The following FA2H variants were observed in gnomAD, a reference collection of about 807,000 sequenced individuals.
FA2H encodes fatty acid 2-hydroxylase.
FA2H carries 22 observed loss-of-function variants against 44.9 expected under a neutral mutation model. That is an observed-to-expected ratio of 0.49 (90% CI 0.35 to 0.70). The LOEUF (loss-of-function observed/expected upper bound fraction) is 0.70, where lower values mean the gene tolerates loss of function less well. Among genes scored for constraint, FA2H ranks in the 30% least tolerant of loss-of-function variants. The pLI, the probability that FA2H is intolerant of heterozygous loss-of-function variation, is 0.01. For synonymous variants in FA2H, 243 were observed against 213.2 expected (o/e 1.14, Z -1.22); for missense variants, 501 against 504.9 (o/e 0.99, Z 0.07).
chr16:74,761,474 G>T (rs935799779), intron 1 of FA2H, among the ~76,000 whole-genome samples: 1 of 71,998 alleles, frequency 1.4e-5, no homozygotes, highest in Non-Finnish European at 3.8e-5. Context: ...AAGAAAGAAA[G>T]AAAGAAAGAA....
intron 1 of FA2H, among the ~76,000 whole-genome samples, chr16:74,752,767 G>A (rs1426217092): frequency 6.6e-6 from 1 of 152,168 alleles, no homozygotes; most frequent in African/African-American, 2.4e-5. Flanking sequence ...GACAAACTGG[G>A]GCCTTGGCCA....
chr16:74,749,408 G>A (rs1962489971), intron 1 of FA2H, among the ~76,000 whole-genome samples: 1 of 151,858 alleles, frequency 6.6e-6, no homozygotes, highest in East Asian at 1.9e-4. Context: ...GGCCCTGCAG[G>A]CCACCGTCCT....
intron 1 of FA2H, among the ~76,000 whole-genome samples, chr16:74,769,972 T>C (rs1962876290): frequency 6.6e-6 from 1 of 152,230 alleles, no homozygotes; most frequent in Non-Finnish European, 1.5e-5. Flanking sequence ...TGTGAATGTG[T>C]GTACCTACAG....
intron 1 of FA2H, among the ~76,000 whole-genome samples, chr16:74,751,572 G>C (rs1206035703): frequency 6.6e-6 from 1 of 151,932 alleles, no homozygotes; most frequent in East Asian, 1.9e-4. Flanking sequence ...GTCTTTCTGG[G>C]AGGTCAGTGC....
chr16:74,714,595 G>A (rs1378511452), intron 6 of FA2H, among the ~76,000 whole-genome samples: 3 of 145,890 alleles, frequency 2.1e-5, no homozygotes, highest in Non-Finnish European at 4.5e-5. Flanking sequence ...CTTTGCACCA[G>A]TCGCTCTTGG....
chr16:74,740,448 C>A (rs543571309), intron 1 of FA2H, among the ~76,000 whole-genome samples: 1 of 151,700 alleles, frequency 6.6e-6, no homozygotes, highest in African/African-American at 2.4e-5. Flanking sequence ...GAAAACCTGT[C>A]TCTACTAAAA....
chr16:74,756,941 A>T (rs780480879), intron 1 of FA2H, among the ~76,000 whole-genome samples: 7 of 152,220 alleles, frequency 4.6e-5, no homozygotes, highest in African/African-American at 7.2e-5. Context: ...GGAAACTGAA[A>T]TATTTTGTTT....
At chr16:74,739,996 C>T (rs1173127173) in intron 2 of FA2H, 27 bp downstream of exon 2, 2 of 1,553,112 alleles carry the variant, frequency 1.3e-6, no homozygotes, top group Non-Finnish European at 1.8e-6. Flanking sequence ...CCCCAGTCAT[C>T]ACCCCACTCC....
chr16:74,749,174 T>C (rs1426604565), intron 1 of FA2H, among the ~76,000 whole-genome samples: 1 of 152,176 alleles, frequency 6.6e-6, no homozygotes, highest in African/African-American at 2.4e-5. Context: ...TGGTTGTTTT[T>C]GGTAAAAGCT....
intron 2 of FA2H, among the ~76,000 whole-genome samples, chr16:74,739,132 C>T (rs943353834): frequency 1.3e-5 from 2 of 152,204 alleles, no homozygotes; most frequent in Middle Eastern, 3.2e-3. Context: ...CATGCCACCT[C>T]CTGGGGTAAT....
At chr16:74,763,721 G>GGA (rs1205621607) in intron 1 of FA2H, among the ~76,000 whole-genome samples, 1 of 152,112 alleles carries the variant, frequency 6.6e-6, no homozygotes, top group East Asian at 1.9e-4. Flanking sequence ...CCCTCTTAAA[G>GGA]GAGAAATTAC....
Position 74,714,022 on chromosome 16 carries a change from G to C in FA2H, c.*168C>G, listed in dbSNP as rs1961633334. On this transcript the variant is annotated 3_prime_UTR_variant, in exon 7 of 7. Coordinates refer to ENST00000219368, the MANE Select transcript of FA2H (RefSeq NM_024306.5). Reference sequence around the variant, plus strand: ...GTGACCCTCCTACCAGGGGTCAGGAGGGCGGTCCTGCCTCAGGGCCCCCTC... The same window carrying C: ...GTGACCCTCCTACCAGGGGTCAGGACGGCGGTCCTGCCTCAGGGCCCCCTC... 1 of 603,684 alleles carries C rather than the reference G, an allele frequency of 1.7e-6. No individual in the cohort carries two copies. The highest frequency in any genetic ancestry group is 1.8e-5 in the African/African-American group (1 of 54,354). The allele number at this position is 603,684 out of a possible 1,614,324, so 37.4% of individuals were successfully genotyped here.
In FA2H at chr16:74,726,224, C is replaced by T; in HGVS notation, c.613+1G>A. The T allele has an allele frequency of 1.2e-6, 2 of 1,605,832 alleles. No individual in the cohort carries two copies. The highest frequency in any genetic ancestry group is 1.7e-6 in the Non-Finnish European group (2 of 1,172,708). On this transcript the variant is annotated splice_donor_variant, in intron 4 of 6. Transcript: ENST00000219368. LOFTEE classifies it high-confidence loss of function. The stretch of plus-strand genomic sequence containing the variant: ...CAAGTCAGGAAAGAAACTGGCATTA[C>T]CTGTTGTAAATGACGTGAAGAGTCG...
At chr16:74,734,362 A>C (rs1962139233) in intron 2 of FA2H, among the ~76,000 whole-genome samples, 1 of 152,370 alleles carries the variant, frequency 6.6e-6, no homozygotes, top group East Asian at 1.9e-4. Flanking sequence ...GTTATGCCCG[A>C]AACTGCTCTG....
chr16:74,774,073 T>C (rs1446560571), intron 1 of FA2H, among the ~76,000 whole-genome samples: 4 of 151,832 alleles, frequency 2.6e-5, no homozygotes, highest in Non-Finnish European at 5.9e-5. Flanking sequence ...GAGCCCATTA[T>C]CCAAACAGAA....
At chr16:74,764,177 C>G (rs539449358) in intron 1 of FA2H, among the ~76,000 whole-genome samples, 1 of 152,094 alleles carries the variant, frequency 6.6e-6, no homozygotes, top group Admixed American at 6.5e-5. Flanking sequence ...AGTCTTCTGC[C>G]CACCTTACAA....
chr16:74,715,383 C>T (rs1961671407), intron 6 of FA2H, among the ~76,000 whole-genome samples: 1 of 152,062 alleles, frequency 6.6e-6, no homozygotes, highest in Admixed American at 6.5e-5. Context: ...CCTCAAACTC[C>T]TGGGCTCAAA....
At chr16:74,752,079 G>A (rs1962535216) in intron 1 of FA2H, among the ~76,000 whole-genome samples, 1 of 152,122 alleles carries the variant, frequency 6.6e-6, no homozygotes, top group African/African-American at 2.4e-5. Context: ...GACATCCAAT[G>A]CATCAGCAAG....
At chr16:74,714,527 C>T (rs1961651413) in intron 6 of FA2H, among the ~76,000 whole-genome samples, 1 of 151,664 alleles carries the variant, frequency 6.6e-6, no homozygotes, top group African/African-American at 2.4e-5. Context: ...CCCCCTCCCA[C>T]CCCCCACCTC....
Sources: allele counts gnomAD v4.1 joint callset (sites outside exome capture counted in the v4.1 genomes callset), GRCh38; gene constraint gnomAD v4.1.1; transcripts MANE v1.5; gene names NCBI Gene and HGNC (gene_info 2026-07-23, HGNC 2026-07-21).